Variants in CLEC9A observed in about 807,000 individuals in gnomAD.
The protein encoded by CLEC9A is C-type lectin domain family 9 member A.
A neutral mutation model predicts 30.0 loss-of-function variants in CLEC9A; 24 were observed. That is an observed-to-expected ratio of 0.80 (90% CI 0.58 to 1.13). The LOEUF is 1.13. Ranked by LOEUF, CLEC9A falls within the 50% of genes most tolerant of loss-of-function variation. The pLI is 0.00. For synonymous variants in CLEC9A, 111 were observed against 96.8 expected (o/e 1.15, Z -0.86); for missense variants, 251 against 280.9 (o/e 0.89, Z 0.76).
intron 2 of CLEC9A, among the ~76,000 whole-genome samples, chr12:10,050,911 A>G (rs1032300527): frequency 2.0e-5 from 3 of 152,174 alleles, no homozygotes; most frequent in Non-Finnish European, 4.4e-5. Flanking sequence ...CATATAAAAT[A>G]TTGAAGAATG....
chr12:10,032,402 T>G (rs553953645), intron 1 of CLEC9A, among the ~76,000 whole-genome samples: 1 of 149,500 alleles, frequency 6.7e-6, no homozygotes, highest in Admixed American at 6.7e-5. Context: ...TTTTTTTTTT[T>G]TTTTTTGAGA....
chr12:10,052,728 G>T lies in CLEC9A; in HGVS notation c.41G>T (p.Ser14Ile). 1.9e-6 allele frequency: 3 copies of T among 1,613,910 alleles called. No homozygotes were observed. Among genetic ancestry groups the T allele is most frequent in the Non-Finnish European group, 2.5e-6 (3 of 1,179,896 alleles). The change falls in exon 4 of 9, where the codon AGC (serine) becomes ATC (isoleucine). Residue 14 changes from serine to isoleucine, a missense_variant. Coordinates refer to ENST00000355819, the MANE Select transcript of CLEC9A (RefSeq NM_207345.4). ...EEIYTSLQWDSPAPDTYQKCL... is the reference protein window; with the variant it reads ...EEIYTSLQWDIPAPDTYQKCL... ...ATATACACCTCTCTTCAGTGGGATAGCCCAGCACCAGACACTTACCAGAAA... is the reference window on the plus strand; with the variant it reads ...ATATACACCTCTCTTCAGTGGGATATCCCAGCACCAGACACTTACCAGAAA...
At chr12:10,052,560 A>G in intron 3 of CLEC9A, 70 bp from the exon 4 acceptor site, 3 of 1,445,760 alleles carry the variant, frequency 2.1e-6, no homozygotes, top group East Asian at 4.7e-5. Flanking sequence ...TTAAACACAA[A>G]CATATTTTCC....
intron 2 of CLEC9A, among the ~76,000 whole-genome samples, chr12:10,044,425 G>A (rs77611582): frequency 0.02 from 3,059 of 152,258 alleles, 107 homozygotes; most frequent in African/African-American, 0.07. Flanking sequence ...ACTCTTCACA[G>A]ACCATGGGCT....
At position 10,065,701 on chromosome 12, in the gene CLEC9A, C is replaced by T. The variant is rs549151365; in HGVS notation, c.*69C>T. 6.5e-7 allele frequency: 1 copy of T among 1,528,192 alleles called. No individual in the cohort carries two copies. Among genetic ancestry groups the T allele is most frequent in the South Asian group, 1.2e-5 (1 of 83,090 alleles). The allele number at this position is 1,528,192 out of a possible 1,614,324, so 94.7% of individuals were successfully genotyped here. A position where few individuals can be genotyped will look rare whatever the true frequency, so the allele number is the denominator to read the frequency against. ...CATGCCATTGGAAAACCCACCCCCA[C>T]CCCCCCTCAAAAAAACAGAACAGTA... On this transcript the variant is annotated 3_prime_UTR_variant, in exon 9 of 9. Coordinates refer to ENST00000355819, the MANE Select transcript of CLEC9A (RefSeq NM_207345.4).
intron 1 of CLEC9A, among the ~76,000 whole-genome samples, chr12:10,040,688 G>A (rs1011562876): frequency 1.3e-5 from 2 of 151,436 alleles, no homozygotes; most frequent in African/African-American, 4.9e-5. Flanking sequence ...CTTACCTCGT[G>A]ATCCGCCCGC....
chr12:10,048,826 G>A (rs1160625860), intron 2 of CLEC9A, among the ~76,000 whole-genome samples: 1 of 152,198 alleles, frequency 6.6e-6, no homozygotes, highest in South Asian at 2.1e-4. Flanking sequence ...TCTTCCAAGC[G>A]CCTGTTAATG....
At chr12:10,055,916 G>A (rs933134192) in intron 5 of CLEC9A, among the ~76,000 whole-genome samples, 4 of 151,568 alleles carry the variant, frequency 2.6e-5, no homozygotes, top group African/African-American at 7.3e-5. Flanking sequence ...AAAATTAGCC[G>A]GGAGTGGTGG....
chr12:10,061,251 C>T lies in CLEC9A; in HGVS notation c.297C>T (p.Phe99=). ...CALQMKYCQA[F]MQNSLSSAHN... ...TTCAGATGAAATATTGCCAAGCCTT[C>T]ATGCAAAACTCATTAAGTTCAGGTA... The change falls in exon 6 of 9, where the codon TTC becomes TTT. Residue 99 remains phenylalanine (F), a synonymous_variant. Transcript: ENST00000355819. The T allele has an allele frequency of 6.2e-7, 1 of 1,610,864 alleles. No individual in the cohort carries two copies. The highest frequency in any genetic ancestry group is 8.5e-7 in the Non-Finnish European group (1 of 1,178,948).
intron 5 of CLEC9A, among the ~76,000 whole-genome samples, chr12:10,056,058 CAAAAAAAAAA>C (rs58274495): frequency 1.1e-4 from 5 of 47,524 alleles, no homozygotes; most frequent in Non-Finnish European, 1.4e-4. Flanking sequence ...GACTCTGTCT[CAAAAAAAAAA>C]AAAAAAAAAA....
intron 1 of CLEC9A, among the ~76,000 whole-genome samples, chr12:10,039,926 G>A (rs1047405215): frequency 2.0e-5 from 3 of 152,050 alleles, no homozygotes; most frequent in African/African-American, 7.2e-5. Flanking sequence ...AGGTCTGAGA[G>A]ATTCTCATGC....
intron 2 of CLEC9A, among the ~76,000 whole-genome samples, chr12:10,051,324 A>G (rs1024989729): frequency 3.3e-5 from 5 of 152,232 alleles, no homozygotes; most frequent in Admixed American, 2.6e-4. Flanking sequence ...AGCTCAAATG[A>G]ACGCATTATC....
chr12:10,064,969 A>G (rs1422107197), intron 8 of CLEC9A, 116 bp downstream of exon 8: 8 of 1,271,218 alleles, frequency 6.3e-6, no homozygotes, highest in Non-Finnish European at 8.4e-6. Flanking sequence ...ATAATGTTAC[A>G]GGCGGCTAAT....
chr12:10,033,647 C>A (rs1334123443), intron 1 of CLEC9A, among the ~76,000 whole-genome samples: 2 of 152,130 alleles, frequency 1.3e-5, no homozygotes, highest in East Asian at 3.8e-4. Context: ...ATATTGTTCA[C>A]CTTGGAAAAT....
chr12:10,051,085 A>T (rs1390860734), intron 2 of CLEC9A, among the ~76,000 whole-genome samples: 1 of 151,946 alleles, frequency 6.6e-6, no homozygotes, highest in Non-Finnish European at 1.5e-5. Context: ...GGTGCCTGTC[A>T]TCCCAGCTAC....
intron 1 of CLEC9A, among the ~76,000 whole-genome samples, chr12:10,036,917 G>A (rs145468912): frequency 4.6e-4 from 70 of 152,232 alleles, no homozygotes; most frequent in African/African-American, 1.6e-3. Flanking sequence ...CAACAAATAC[G>A]TATTGGGTAA....
At chr12:10,055,653 G>A (rs1325413377) in intron 5 of CLEC9A, among the ~76,000 whole-genome samples, 1 of 152,014 alleles carries the variant, frequency 6.6e-6, no homozygotes, top group Admixed American at 6.5e-5. Context: ...AAGTGAATGG[G>A]ATATATAATT....
intron 1 of CLEC9A, among the ~76,000 whole-genome samples, chr12:10,036,734 G>C (rs1307931647): frequency 1.3e-5 from 2 of 152,166 alleles, no homozygotes; most frequent in Non-Finnish European, 2.9e-5. Flanking sequence ...TAGAGTCTAT[G>C]AAAGACATCA....
chr12:10,052,352 T>C (rs1865900411), intron 3 of CLEC9A: 1 of 268,216 alleles, frequency 3.7e-6, no homozygotes, highest in African/African-American at 2.2e-5. Context: ...GTGCGTTCTT[T>C]GCACTTACAT....
Sources: gnomAD v4.1 joint callset for allele counts (sites outside exome capture counted in the v4.1 genomes callset) on GRCh38, gnomAD v4.1.1 for gene constraint, MANE v1.5 for transcripts, NCBI Gene and HGNC (gene_info 2026-07-23, HGNC 2026-07-21) for gene names.